The following PALM variants were observed in gnomAD, a reference collection of about 807,000 sequenced individuals.
PALM encodes paralemmin-1.
Under a neutral mutation model 30.7 loss-of-function variants are expected in PALM, and 18 were observed. The ratio of observed to expected loss-of-function variants is 0.59; its 90% confidence interval spans 0.41 to 0.87. The LOEUF (loss-of-function observed/expected upper bound fraction) is 0.87, where lower values mean the gene tolerates loss of function less well. Ranked by LOEUF, PALM falls within the 40% of genes least tolerant of loss-of-function variation. The pLI is 0.00. For missense variants in PALM, 529 were observed against 555.4 expected (o/e 0.95, Z 0.48); for synonymous variants, 286 against 242.8 (o/e 1.18, Z -1.66).
At chr19:738,541 GGA>G (rs1163036254) in intron 7 of PALM, among the ~76,000 whole-genome samples, 1 of 152,032 alleles carries the variant, frequency 6.6e-6, no homozygotes, top group East Asian at 1.9e-4. Context: ...AAAAAAAGAG[GGA>G]GGACTGAGCT....
chr19:734,886 C>A, intron 6 of PALM: 1 of 173,754 alleles, frequency 5.8e-6, no homozygotes, highest in Non-Finnish European at 1.1e-5. Context: ...GGACAGCCAC[C>A]AGCCGGGATT....
intron 1 of PALM, among the ~76,000 whole-genome samples, chr19:719,931 T>C (rs1343211402): frequency 6.6e-6 from 1 of 152,076 alleles, no homozygotes; most frequent in African/African-American, 2.4e-5. Flanking sequence ...CATATTTCGC[T>C]TAATTTTTCC....
Position 740,389 on chromosome 19 carries a change from G to A in PALM, c.540G>A (p.Lys180=), listed in dbSNP as rs1241665292. Reference sequence around the variant, plus strand: ...TTGAGATCACTGTGGAGAAGGACAAGGTGACAGGGGAGACCAGGGTGCTGT... The same window carrying A: ...TTGAGATCACTGTGGAGAAGGACAAAGTGACAGGGGAGACCAGGGTGCTGT... ...YSVEITVEKD[K]VTGETRVLSS... is the part of the protein sequence containing the mutation. Residue 180 remains lysine (K), a synonymous_variant, in exon 8 of 9, where the codon AAG becomes AAA. Transcript: ENST00000338448. 2 of 1,561,732 alleles carry A rather than the reference G, an allele frequency of 1.3e-6. No individual in the cohort carries two copies. Among genetic ancestry groups the A allele is most frequent in the Non-Finnish European group, 1.7e-6 (2 of 1,152,622 alleles).
At chr19:724,292 C>T (rs527456390) in intron 1 of PALM, among the ~76,000 whole-genome samples, 67 of 152,186 alleles carry the variant, frequency 4.4e-4, no homozygotes, top group Middle Eastern at 3.4e-3. Context: ...CAGGCGTATC[C>T]GGCAACAGTG....
Position 734,381 on chromosome 19 carries a change from G to C in PALM, c.442+187G>C, listed in dbSNP as rs115708339. The C allele has an allele frequency of 4.4e-3, 2,623 of 594,534 alleles. 68 individuals carry two copies. In the African/African-American group the frequency reaches 0.044, roughly 10 times the overall value. The allele number at this position is 594,534 out of a possible 1,614,324, so 36.8% of individuals were successfully genotyped here. A position where few individuals can be genotyped will look rare whatever the true frequency, so the allele number is the denominator to read the frequency against. On this transcript the variant is annotated intron_variant, in intron 6 of 8. Transcript: ENST00000338448. ...TCGAGACCAGCCTGACCAACATGGCGAAACTCAGTGTCTACTGAAAAAATG... is the reference window on the plus strand; with the variant it reads ...TCGAGACCAGCCTGACCAACATGGCCAAACTCAGTGTCTACTGAAAAAATG...
rs761610939 is a variant in PALM, at chr19:727,092, C to G, written c.138+4C>G. 1.3e-6 allele frequency: 2 copies of G among 1,531,382 alleles called. No homozygotes were observed. The highest frequency in any genetic ancestry group is 1.4e-5 in the African/African-American group (1 of 72,492). The allele number at this position is 1,531,382 out of a possible 1,614,324, so 94.9% of individuals were successfully genotyped here. A position where few individuals can be genotyped will look rare whatever the true frequency, so the allele number is the denominator to read the frequency against. On this transcript the variant is annotated splice_donor_region_variant and intron_variant, in intron 3 of 8. Coordinates refer to ENST00000338448, the MANE Select transcript of PALM (RefSeq NM_002579.3). ...GAGGCAGCTGCAGCACCTGAAGGTA[C>G]GAGCGGGGCAGGGACCCAGGGTCAG...
chr19:710,850 C>T (rs74537241), intron 1 of PALM, among the ~76,000 whole-genome samples: 3,473 of 152,326 alleles, frequency 0.023, 126 homozygotes, highest in African/African-American at 0.076. Context: ...CATTCGAGGA[C>T]GACTCTCTCC....
At position 746,432 on chromosome 19, in the gene PALM, A is replaced by C; in HGVS notation, c.782A>C (p.Glu261Ala). ...AGAAETRGAVEGAARTTPSRR... is the reference protein window; with the variant it reads ...AGAAETRGAVAGAARTTPSRR... ...GCGGCAGAGACCCGGGGGGCTGTGG[A>C]GGGGGCAGCCCGGACCACGCCCTCC... The change falls in exon 9 of 9, where the codon GAG (glutamate) becomes GCG (alanine). Residue 261 changes from glutamate (E) to alanine (A), a missense_variant. Transcript: ENST00000338448. This position sits in a 1 kb window ranked among gnomAD's most constrained non-coding sequence, Gnocchi z 7.1. The C allele has an allele frequency of 1.9e-6, 3 of 1,610,588 alleles. No individual in the cohort carries two copies. Among genetic ancestry groups the C allele is most frequent in the South Asian group, 1.1e-5 (1 of 90,882 alleles).
At chr19:738,400 C>G (rs1335839855) in intron 7 of PALM, among the ~76,000 whole-genome samples, 1 of 152,084 alleles carries the variant, frequency 6.6e-6, no homozygotes, top group African/African-American at 2.4e-5. Context: ...GTGGCAGGTG[C>G]CTGTAATCCC....
chr19:715,778 T>G (rs1055932795), intron 1 of PALM, among the ~76,000 whole-genome samples: 6 of 151,924 alleles, frequency 3.9e-5, no homozygotes, highest in African/African-American at 1.5e-4. Context: ...AGGGGCAGCA[T>G]GCAGAGAAAT....
Position 726,995 on chromosome 19 carries a change from G to T in PALM, c.58-13G>T, listed in dbSNP as rs1233749177. ...CCACGCCCATCCCTGACCCCACCCG[G>T]CCCTCCCCACAGGAGAAGCGGAAGC... On this transcript the variant is annotated splice_polypyrimidine_tract_variant and intron_variant, in intron 2 of 8. Transcript: ENST00000338448. The T allele has an allele frequency of 9.3e-6, 7 of 753,818 alleles. No homozygotes were observed. The East Asian group carries it at 2.6e-4, about 28-fold the overall frequency. 46.7% of individuals were successfully genotyped at this position (753,818 alleles called of 1,614,324 possible).
At chr19:722,614 A>G (rs1158121948) in intron 1 of PALM, 1 of 152,244 alleles carries the variant, frequency 6.6e-6, no homozygotes, top group East Asian at 1.9e-4. Flanking sequence ...GGCAGGGAAC[A>G]CTAGAGGCCT....
At chr19:719,121 C>T in intron 1 of PALM, 1 of 985,356 alleles carries the variant, frequency 1.0e-6, no homozygotes, top group Non-Finnish European at 1.2e-6. Flanking sequence ...CGGCGCCTGC[C>T]CGGGCAGGGA....
intron 6 of PALM, chr19:734,874 C>T (rs750246187): frequency 4.9e-5 from 8 of 163,552 alleles, no homozygotes; most frequent in Non-Finnish European, 7.7e-5. Context: ...GTATCGATAG[C>T]GGGACAGCCA....
chr19:737,267 G>A (rs999787908), intron 7 of PALM, among the ~76,000 whole-genome samples: 2 of 152,192 alleles, frequency 1.3e-5, no homozygotes, highest in African/African-American at 4.8e-5. Context: ...GGCAGACACC[G>A]AGGCCCAGGT....
At chr19:726,260 T>C (rs2144878015) in intron 2 of PALM, 71 bp downstream of exon 2, 1 of 1,320,538 alleles carries the variant, frequency 7.6e-7, no homozygotes, top group East Asian at 2.3e-5. Context: ...TCTCGGGCCC[T>C]GGACCTGTCC....
In PALM at chr19:747,137, G is replaced by A. The variant is rs2033374348; in HGVS notation, c.*323G>A. ...GGCTCGCGCCCACCGGGGTCCTGGC[G>A]GGTGGGACCCGCAGCCTCCACGCGG... On this transcript the variant is annotated 3_prime_UTR_variant, in exon 9 of 9. Coordinates refer to ENST00000338448, the MANE Select transcript of PALM (RefSeq NM_002579.3). The A allele has an allele frequency of 6.7e-6, 2 of 299,834 alleles. No homozygotes were observed. The highest frequency in any genetic ancestry group is 2.2e-5 in the African/African-American group (1 of 45,032). The allele number at this position is 299,834 out of a possible 1,614,324, so 18.6% of individuals were successfully genotyped here. A position where few individuals can be genotyped will look rare whatever the true frequency, so the allele number is the denominator to read the frequency against.
chr19:738,323 G>A (rs1470018069), intron 7 of PALM, among the ~76,000 whole-genome samples: 3 of 152,174 alleles, frequency 2.0e-5, no homozygotes, highest in South Asian at 2.1e-4. Flanking sequence ...TCAGGAGATC[G>A]AGACCATCTT....
intron 5 of PALM, among the ~76,000 whole-genome samples, chr19:732,165 C>T (rs369787923): frequency 2.0e-5 from 3 of 152,166 alleles, no homozygotes; most frequent in South Asian, 2.1e-4. Flanking sequence ...TTGGTAGAAA[C>T]GGGGTCTCTG....
Sources: gnomAD v4.1 joint callset for allele counts (sites outside exome capture counted in the v4.1 genomes callset) on GRCh38, gnomAD v4.1.1 for gene constraint, Gnocchi (gnomAD v3.1) non-coding constraint, MANE v1.5 for transcripts, NCBI Gene and HGNC (gene_info 2026-07-23, HGNC 2026-07-21) for gene names.